The following NOTCH2NLC variants were observed in gnomAD, a reference collection of about 807,000 sequenced individuals.
NOTCH2NLC encodes the protein notch 2 N-terminal like C, also known as notch homolog 2 N-terminal-like protein C.
Under a neutral mutation model 17.7 loss-of-function variants are expected in NOTCH2NLC, and 4 were observed. The observed-to-expected ratio is 0.23, with a 90% CI of 0.11 to 0.52. The LOEUF is 0.52. Ranked by LOEUF, NOTCH2NLC falls within the 20% of genes least tolerant of loss-of-function variation. The pLI is 0.96. For missense variants in NOTCH2NLC, 57 were observed against 207.2 expected, an observed-to-expected ratio of 0.28 and a Z score of 4.45; for synonymous variants, 18 against 86.0, an observed-to-expected ratio of 0.21 and a Z score of 4.38.
chr1:149,439,951 G>A (rs1315959654), intron 2 of NOTCH2NLC, among the ~76,000 whole-genome samples: 1 of 148,548 alleles, frequency 6.7e-6, no homozygotes, highest in African/African-American at 2.5e-5. Flanking sequence ...TTTTATGAAA[G>A]AAAAGTGAAA....
intron 1 of NOTCH2NLC, among the ~76,000 whole-genome samples, chr1:149,408,598 A>C (rs1242343470): frequency 2.6e-5 from 4 of 151,320 alleles, no homozygotes; most frequent in Non-Finnish European, 5.9e-5. Flanking sequence ...TGTGACTGAT[A>C]CATTTCAGGG....
chr1:149,416,728 T>C (rs2084337381), intron 1 of NOTCH2NLC, among the ~76,000 whole-genome samples: 1 of 150,438 alleles, frequency 6.6e-6, no homozygotes, highest in African/African-American at 2.4e-5. Flanking sequence ...AGTCATAGGG[T>C]AGTTTTTTTT....
At chr1:149,445,975 T>A (rs2084550639) in intron 2 of NOTCH2NLC, among the ~76,000 whole-genome samples, 1 of 117,896 alleles carries the variant, frequency 8.5e-6, no homozygotes. Flanking sequence ...GGCCTCACCC[T>A]GCTGATACAG....
chr1:149,408,489 TC>T (rs2084281777), intron 1 of NOTCH2NLC, among the ~76,000 whole-genome samples: 1 of 144,532 alleles, frequency 6.9e-6, no homozygotes, highest in Admixed American at 6.9e-5. Flanking sequence ...TAGCATTTCT[TC>T]TTTCCTTTTA....
chr1:149,394,427 A>G (rs1477426002), intron 1 of NOTCH2NLC, among the ~76,000 whole-genome samples: 2 of 151,320 alleles, frequency 1.3e-5, no homozygotes, highest in Non-Finnish European at 3.0e-5. Flanking sequence ...CGTAAGAGAT[A>G]TAGAATATAA....
intron 1 of NOTCH2NLC, among the ~76,000 whole-genome samples, chr1:149,417,136 G>A (rs2084340437): frequency 9.5e-6 from 1 of 105,532 alleles, no homozygotes; most frequent in Non-Finnish European, 1.8e-5. Context: ...TTGAGACAGA[G>A]TCTCGCTCTT....
chr1:149,453,895 TCA>T (rs1318079591), intron 2 of NOTCH2NLC, among the ~76,000 whole-genome samples: 1 of 69,496 alleles, frequency 1.4e-5, no homozygotes, highest in Non-Finnish European at 3.0e-5. Flanking sequence ...CTATAGCTAT[TCA>T]CCACCCTGTT....
chr1:149,442,063 G>T (rs1434338536), intron 2 of NOTCH2NLC, among the ~76,000 whole-genome samples: 1 of 149,054 alleles, frequency 6.7e-6, no homozygotes, highest in Non-Finnish European at 1.5e-5. Flanking sequence ...TTTTAGCCTT[G>T]TATAACTAAT....
rs1202017743 is a variant in NOTCH2NLC at position 149,469,327 on chromosome 1, ACTT to A, written c.*5180_*5182del. ...ATTTGCAGGTTTGCTTTTGTGACAG[ACTT>A]CTTCTGGGGGAAAAAAAGTATCCTT... is the stretch of plus-strand genomic sequence containing the variant. On this transcript the variant is annotated 3_prime_UTR_variant, in exon 5 of 5. Transcript: ENST00000650865. 1.8e-5 allele frequency among the ~76,000 whole-genome samples: 1 copy of A among 56,338 alleles called. No homozygotes were observed. Among genetic ancestry groups the A allele is most frequent in the African/African-American group, 6.9e-5 (1 of 14,402 alleles). 37.0% of individuals were successfully genotyped at this position (56,338 alleles called of 152,430 possible). A position where few individuals can be genotyped will look rare whatever the true frequency, so the allele number is the denominator to read the frequency against.
At chr1:149,400,127 TATATAATATA>T (rs1217471477) in intron 1 of NOTCH2NLC, among the ~76,000 whole-genome samples, 10 of 141,984 alleles carry the variant, frequency 7.0e-5, no homozygotes, top group African/African-American at 2.6e-4. Context: ...TATATATATA[TATATAATATA>T]TATTTTTTTT....
rs2084690571 is a variant in NOTCH2NLC, at chr1:149,467,344, T to C, written c.*3191T>C. ...TTTAAATGGTTAATTTACAATTTTT[T>C]CCCTGCAAAGGATACTGTAGTCACT... On this transcript the variant is annotated 3_prime_UTR_variant, in exon 5 of 5. Transcript: ENST00000650865. 7.1e-6 allele frequency: 1 copy of C among 140,780 alleles called. No homozygotes were observed. The highest frequency in any genetic ancestry group is 2.5e-4 in the South Asian group (1 of 3,980). The allele number at this position is 140,780 out of a possible 1,614,324, so 8.7% of individuals were successfully genotyped here.
intron 1 of NOTCH2NLC, among the ~76,000 whole-genome samples, chr1:149,413,261 A>T (rs2084309559): frequency 6.7e-6 from 1 of 150,338 alleles, no homozygotes. Flanking sequence ...ACACCATACC[A>T]CTTCCTTAGA....
Position 149,445,378 on chromosome 1 carries a change from CA to C in NOTCH2NLC, c.210-9939del, listed in dbSNP as rs1281784476. Among the ~76,000 whole-genome samples the C allele has an allele frequency of 4.2e-3, 553 of 130,474 alleles. 6 individuals are homozygous for C. Among genetic ancestry groups the C allele is most frequent in the African/African-American group, 0.015 (520 of 34,338 alleles). The allele number at this position is 130,474 out of a possible 152,430, so 85.6% of individuals were successfully genotyped here. A position where few individuals can be genotyped will look rare whatever the true frequency, so the allele number is the denominator to read the frequency against. Reference sequence around the variant, plus strand: ...TAGCAATTATTTTTATCTACTTTAACAGGGGGGACAGAGTAGGGGGGCAGGA... The same window carrying C: ...TAGCAATTATTTTTATCTACTTTAACGGGGGGACAGAGTAGGGGGGCAGGA... On this transcript the variant is annotated intron_variant, in intron 2 of 4. Coordinates refer to ENST00000650865, the MANE Select transcript of NOTCH2NLC (RefSeq NM_001364013.2).
chr1:149,410,164 G>A (rs2084291115), intron 1 of NOTCH2NLC, among the ~76,000 whole-genome samples: 1 of 113,540 alleles, frequency 8.8e-6, no homozygotes, highest in Non-Finnish European at 1.8e-5. Context: ...GAGACCCCAT[G>A]AGATCTAATG....
intron 2 of NOTCH2NLC, among the ~76,000 whole-genome samples, chr1:149,450,302 T>C (rs2101504061): frequency 7.7e-6 from 1 of 129,268 alleles, no homozygotes; most frequent in East Asian, 2.3e-4. Flanking sequence ...TTTACCCTTA[T>C]TTAAAAATCC....
chr1:149,453,207 C>CT (rs1202536594), intron 2 of NOTCH2NLC, among the ~76,000 whole-genome samples: 13 of 65,840 alleles, frequency 2.0e-4, no homozygotes, highest in Admixed American at 3.4e-4. Context: ...CTTGGCAAAA[C>CT]TTTTTTTTTT....
intron 1 of NOTCH2NLC, among the ~76,000 whole-genome samples, chr1:149,425,305 C>A (rs1221616803): frequency 6.7e-6 from 1 of 150,016 alleles, no homozygotes; most frequent in South Asian, 2.1e-4. Flanking sequence ...CCAGGGGAAG[C>A]TTTCTGGGTG....
chr1:149,444,962 GA>G (rs1261595035), intron 2 of NOTCH2NLC, among the ~76,000 whole-genome samples: 3 of 149,912 alleles, frequency 2.0e-5, no homozygotes, highest in Non-Finnish European at 4.4e-5. Flanking sequence ...TTTTATTTGA[GA>G]AAAGGGGGGG....
intron 1 of NOTCH2NLC, among the ~76,000 whole-genome samples, chr1:149,409,600 A>G (rs2084288221): frequency 1.4e-5 from 2 of 145,444 alleles, no homozygotes; most frequent in African/African-American, 5.1e-5. Flanking sequence ...ATTATCAACA[A>G]CAATAATGGC....
Sources: allele counts gnomAD v4.1 joint callset (sites outside exome capture counted in the v4.1 genomes callset), GRCh38; gene constraint gnomAD v4.1.1; transcripts MANE v1.5; gene names NCBI Gene and HGNC (gene_info 2026-07-23, HGNC 2026-07-21).